Variants in CRYBG3 observed in about 807,000 individuals in gnomAD.
The protein encoded by CRYBG3 is very large A-kinase anchor protein.
In CRYBG3, 127 loss-of-function variants were observed where a neutral mutation model predicts 244.2. That is an observed-to-expected ratio of 0.52 (90% CI 0.45 to 0.60). The LOEUF (loss-of-function observed/expected upper bound fraction) is 0.60. Ranked by LOEUF, CRYBG3 falls within the 20% of genes least tolerant of loss-of-function variation. The pLI, the probability that CRYBG3 is intolerant of heterozygous loss-of-function variation, is 0.00. For missense variants in CRYBG3, 3,325 were observed against 3,442.5 expected (o/e 0.97, Z 0.85); for synonymous variants, 1,132 against 1,195.8 (o/e 0.95, Z 1.10).
chr3:97,891,267 G>A (rs1351325131), intron 10 of CRYBG3, among the ~76,000 whole-genome samples: 1 of 152,118 alleles, frequency 6.6e-6, no homozygotes, highest in East Asian at 1.9e-4. Context: ...TCAAGAATCA[G>A]TTAGTTATAA....
intron 2 of CRYBG3, among the ~76,000 whole-genome samples, chr3:97,861,730 T>C (rs902637460): frequency 6.6e-6 from 1 of 152,138 alleles, no homozygotes; most frequent in Admixed American, 6.6e-5. Flanking sequence ...GACAGTCCTG[T>C]TGGCAGACAG....
rs375411614 is a variant in CRYBG3, at chr3:97,942,317, C to T, written c.8698C>T (p.Arg2900Trp). The T allele has an allele frequency of 1.6e-5, 26 of 1,610,360 alleles. No individual in the cohort carries two copies. The highest frequency in any genetic ancestry group is 6.6e-5 in the South Asian group (6 of 90,658). Reference protein sequence around the residue: ...SDTCLDVIGGRDTPGAKVALW... With the variant: ...SDTCLDVIGGWDTPGAKVALW... Reference sequence around the variant, plus strand: ...TACATGTCTTGATGTGATTGGTGGCCGGGACACACCTGGAGCTAAAGTAGC... The same window carrying T: ...TACATGTCTTGATGTGATTGGTGGCTGGGACACACCTGGAGCTAAAGTAGC... The change falls in exon 21 of 22, where the codon CGG (arginine) becomes TGG (tryptophan). Residue 2900 changes from arginine to tryptophan, a missense_variant. Coordinates refer to ENST00000389622, the MANE Select transcript of CRYBG3 (RefSeq NM_153605.4).
At chr3:97,891,356 A>G (rs1024446564) in intron 10 of CRYBG3, among the ~76,000 whole-genome samples, 7 of 152,190 alleles carry the variant, frequency 4.6e-5, no homozygotes, top group East Asian at 1.9e-4. Context: ...TTATTGTAAT[A>G]TGAGAGAAAC....
In CRYBG3 at chr3:97,879,963, ACTG is replaced by A. The variant is rs749539400; in HGVS notation, c.6889-19_6889-17del. On this transcript the variant is annotated intron_variant, in intron 5 of 21. Coordinates refer to ENST00000389622, the MANE Select transcript of CRYBG3 (RefSeq NM_153605.4). ...TAAAAATTAGTTATTGTAACTACTT[ACTG>A]CTATTTACTGTGTTGCAGATGGTTA... The A allele has an allele frequency of 3.4e-6, 4 of 1,183,210 alleles. No homozygotes were observed. Among genetic ancestry groups the A allele is most frequent in the African/African-American group, 1.5e-5 (1 of 65,780 alleles). 73.3% of individuals were successfully genotyped at this position (1,183,210 alleles called of 1,614,324 possible). A position where few individuals can be genotyped will look rare whatever the true frequency, so the allele number is the denominator to read the frequency against.
At chr3:97,919,414 A>T (rs945121531) in intron 17 of CRYBG3, among the ~76,000 whole-genome samples, 2 of 152,312 alleles carry the variant, frequency 1.3e-5, no homozygotes, top group South Asian at 2.1e-4. Flanking sequence ...ACTAAAACCC[A>T]GGGTTTTCAT....
At position 97,881,134 on chromosome 3, in the gene CRYBG3, A is replaced by C; in HGVS notation, c.7067A>C (p.Lys2356Thr). 1 of 1,612,274 alleles carries C rather than the reference A, an allele frequency of 6.2e-7. No homozygotes were observed. Among genetic ancestry groups the C allele is most frequent in the Non-Finnish European group, 8.5e-7 (1 of 1,178,942 alleles). ...AAATGTGTGCTAGAAGAAGGGGAAA[A>C]GGTGTTAAATCGTGACTGGATTCTT... ...GQKCVLEEGE[K>T]VLNRDWILQN... Residue 2356 changes from lysine (K) to threonine (T), a missense_variant, in exon 7 of 22, where the codon AAG (lysine) becomes ACG (threonine). Physicochemically the swap from Lys to Thr is moderately conservative, Grantham distance 78 (BLOSUM62 -1). Transcript: ENST00000389622.
chr3:97,872,091 C>T lies in CRYBG3; in HGVS notation c.897C>T (p.Gly299=), dbSNP rs757797100. 7.2e-6 allele frequency: 11 copies of T among 1,535,868 alleles called. No individual in the cohort carries two copies. The highest frequency in any genetic ancestry group is 8.7e-6 in the Non-Finnish European group (10 of 1,146,742). The change falls in exon 4 of 22, where the codon GGC becomes GGT. Residue 299 remains glycine (G), a synonymous_variant. Transcript: ENST00000389622. The stretch of plus-strand genomic sequence containing the variant: ...CTATGAAAGGAAATCTACTTGAAGG[C>T]CCATTAGAAGACTCTGATTGTAGCA... ...DSSMKGNLLE[G]PLEDSDCSKT...
At chr3:97,854,783 G>A (rs896359500) in intron 2 of CRYBG3, among the ~76,000 whole-genome samples, 40 of 151,872 alleles carry the variant, frequency 2.6e-4, no homozygotes, top group African/African-American at 5.5e-4. Flanking sequence ...CTAGAAACAC[G>A]ATCATATCAT....
chr3:97,916,978 A>AT (rs2039935796), intron 17 of CRYBG3, among the ~76,000 whole-genome samples: 2 of 152,122 alleles, frequency 1.3e-5, no homozygotes, highest in South Asian at 4.1e-4. Context: ...CTGGAAAGCA[A>AT]TTTTTTAAAC....
chr3:97,936,246 A>G (rs1308732051), intron 18 of CRYBG3, among the ~76,000 whole-genome samples: 1 of 152,028 alleles, frequency 6.6e-6, no homozygotes, highest in African/African-American at 2.4e-5. Flanking sequence ...GTTGAAGGCA[A>G]GGGTTTCGGG....
chr3:97,941,368 A>T, intron 20 of CRYBG3, 62 bp downstream of exon 20: 1 of 1,189,110 alleles, frequency 8.4e-7, no homozygotes, highest in South Asian at 2.0e-5. Context: ...TGAAAACTAG[A>T]ATCCTGTCAA....
chr3:97,832,242 A>C (rs1393912812), intron 1 of CRYBG3, among the ~76,000 whole-genome samples: 1 of 151,590 alleles, frequency 6.6e-6, no homozygotes, highest in Non-Finnish European at 1.5e-5. Context: ...AAAAAAAAAA[A>C]AAGAGCCCAT....
At position 97,890,286 on chromosome 3, in the gene CRYBG3, C is replaced by T. The variant is rs117747641; in HGVS notation, c.7440+896C>T. ...CTGTATTAGTTTGGGCCGTGGTCAA[C>T]AGTTTGCAAAGAGTCCTAGGTGATT... is the stretch of plus-strand genomic sequence containing the variant. On this transcript the variant is annotated intron_variant, in intron 10 of 21. Transcript: ENST00000389622. Among the ~76,000 whole-genome samples, 12 of 152,318 alleles carry T rather than the reference C, an allele frequency of 7.9e-5. No homozygotes were observed. In the East Asian group the frequency reaches 1.9e-3, roughly 24 times the overall value.
rs1256770688 is a variant in CRYBG3 at position 97,877,889 on chromosome 3, C to CT, written c.6698dup (p.Leu2233PhefsTer52). 1 of 1,614,138 alleles carries CT rather than the reference C, an allele frequency of 6.2e-7. No homozygotes were observed. Among genetic ancestry groups the CT allele is most frequent in the Non-Finnish European group, 8.5e-7 (1 of 1,180,018 alleles). The stretch of plus-strand genomic sequence containing the variant: ...GACCTTACTTCTAAACTACATTCTT[C>CT]TTTAAAGAGTGCTTATCATCAGTAT... On this transcript the variant is annotated frameshift_variant, in exon 4 of 22. Coordinates refer to ENST00000389622, the MANE Select transcript of CRYBG3 (RefSeq NM_153605.4). LOFTEE classifies it high-confidence loss of function.
At chr3:97,828,723 G>A (rs1402552995) in intron 1 of CRYBG3, among the ~76,000 whole-genome samples, 2 of 151,178 alleles carry the variant, frequency 1.3e-5, no homozygotes, top group African/African-American at 4.9e-5. Context: ...AGCTATTCCA[G>A]AGGCTGAGGC....
At chr3:97,843,071 C>A in intron 1 of CRYBG3, 124 bp from the exon 2 acceptor site, 1 of 591,034 alleles carries the variant, frequency 1.7e-6, no homozygotes, top group Non-Finnish European at 2.9e-6. Flanking sequence ...CTTGGTATAA[C>A]ATGGTGTATC....
At chr3:97,845,049 A>G (rs961253069) in intron 2 of CRYBG3, among the ~76,000 whole-genome samples, 6 of 152,166 alleles carry the variant, frequency 3.9e-5, no homozygotes, top group Non-Finnish European at 7.4e-5. Context: ...TACTGGTAGG[A>G]TTTCTTCAAC....
Position 97,872,618 on chromosome 3 carries a change from C to G in CRYBG3, c.1424C>G (p.Ser475Cys), listed in dbSNP as rs1162423389. 1.3e-6 allele frequency: 2 copies of G among 1,535,832 alleles called. No homozygotes were observed. The highest frequency in any genetic ancestry group is 1.4e-5 in the African/African-American group (1 of 73,016). The change falls in exon 4 of 22, where the codon TCT (serine) becomes TGT (cysteine). Residue 475 changes from serine (S) to cysteine (C), a missense_variant. Physicochemically the swap from Ser to Cys is moderately radical, Grantham distance 112. Transcript: ENST00000389622. ...CTGCAGTTGCCAGAGAGTGAGTGTTCTGACAAGCAAACCATAGATAGCTCA... is the reference window on the plus strand; with the variant it reads ...CTGCAGTTGCCAGAGAGTGAGTGTTGTGACAAGCAAACCATAGATAGCTCA... ...EHLQLPESEC[S>C]DKQTIDSSSK...
intron 16 of CRYBG3, 69 bp from the exon 17 acceptor site, chr3:97,915,541 A>T: frequency 6.6e-7 from 1 of 1,505,940 alleles, no homozygotes; most frequent in South Asian, 1.3e-5. Flanking sequence ...CAATTCCCAC[A>T]GCATGATAAT....
Sources: gnomAD v4.1 joint callset for allele counts (sites outside exome capture counted in the v4.1 genomes callset) on GRCh38, gnomAD v4.1.1 for gene constraint, MANE v1.5 for transcripts, NCBI Gene and HGNC (gene_info 2026-07-23, HGNC 2026-07-21) for gene names.